The following POLR3B variants were observed in gnomAD, a reference collection of about 807,000 sequenced individuals.
The protein encoded by POLR3B is RNA polymerase III subunit B, also known as DNA-directed RNA polymerase III subunit RPC2.
Under a neutral mutation model 147.4 loss-of-function variants are expected in POLR3B, and 96 were observed. The observed-to-expected ratio is 0.65, with a 90% CI of 0.55 to 0.77. The LOEUF is 0.77. Among genes scored for constraint, POLR3B ranks in the 30% least tolerant of loss-of-function variants. POLR3B has a pLI of 0.00. For missense variants in POLR3B, 1,036 were observed against 1,413.5 expected, an observed-to-expected ratio of 0.73 and a Z score of 4.28; for synonymous variants, 461 against 485.9, an observed-to-expected ratio of 0.95 and a Z score of 0.67.
intron 25 of POLR3B, 76 bp downstream of exon 25, chr12:106,496,994 A>C (rs1336821497): frequency 1.4e-6 from 2 of 1,433,428 alleles, no homozygotes; most frequent in South Asian, 1.2e-5. Context: ...CTTAAGGTAT[A>C]CTCTATTAAG....
intron 2 of POLR3B, among the ~76,000 whole-genome samples, chr12:106,364,261 G>T (rs1219736217): frequency 6.6e-6 from 1 of 152,210 alleles, no homozygotes; most frequent in Non-Finnish European, 1.5e-5. Flanking sequence ...AGAGAGCGTG[G>T]CTCAATCAAG....
intron 17 of POLR3B, among the ~76,000 whole-genome samples, chr12:106,437,469 G>A (rs1425125570): frequency 6.6e-6 from 1 of 152,134 alleles, no homozygotes; most frequent in East Asian, 1.9e-4. Context: ...GTTCACAAGA[G>A]TTACAGACAG....
chr12:106,509,825 TAC>T lies in POLR3B; in HGVS notation c.*277_*278del. The T allele has an allele frequency of 2.6e-6, 1 of 377,930 alleles. No individual in the cohort carries two copies. The highest frequency in any genetic ancestry group is 5.1e-6 in the Non-Finnish European group (1 of 196,616). 23.4% of individuals were successfully genotyped at this position (377,930 alleles called of 1,614,324 possible). On this transcript the variant is annotated 3_prime_UTR_variant, in exon 28 of 28. Transcript: ENST00000228347. ...GTGACCTAAAGGATAAATAAGCTAT[TAC>T]TTATGTGCTGATCTCTTGACATTCA...
chr12:106,490,371 T>G (rs892133515), intron 23 of POLR3B, among the ~76,000 whole-genome samples: 5 of 152,228 alleles, frequency 3.3e-5, no homozygotes, highest in African/African-American at 1.2e-4. Flanking sequence ...CTATGCAAAT[T>G]TATCACATCA....
intron 7 of POLR3B, among the ~76,000 whole-genome samples, 184 bp from the exon 8 acceptor site, chr12:106,378,083 T>G (rs1421312180): frequency 2.0e-5 from 3 of 152,006 alleles, no homozygotes; most frequent in Admixed American, 6.6e-5. Context: ...GGGAGATCCT[T>G]TCTCAAAAAA....
chr12:106,376,254 G>C, intron 6 of POLR3B, 105 bp from the exon 7 acceptor site: 1 of 774,296 alleles, frequency 1.3e-6, no homozygotes, highest in South Asian at 1.4e-5. Flanking sequence ...ATGGTGCATA[G>C]ATAGACCCTT....
rs750780270 is a variant in POLR3B, at chr12:106,430,489, A to G, written c.1464+16A>G. The G allele has an allele frequency of 1.2e-6, 2 of 1,601,632 alleles. No individual in the cohort carries two copies. Among genetic ancestry groups the G allele is most frequent in the South Asian group, 2.2e-5 (2 of 90,764 alleles). ...TGAAGGAGAGGTAAGGAATCTGAGG[A>G]GTCTTGATGCTGTGTAAGAGGCGAT... On this transcript the variant is annotated intron_variant, in intron 14 of 27. Transcript: ENST00000228347.
chr12:106,440,591 A>ACT, intron 18 of POLR3B, among the ~76,000 whole-genome samples: 3 of 151,574 alleles, frequency 2.0e-5, no homozygotes, highest in Middle Eastern at 6.8e-3. Context: ...TGCCTGGAGC[A>ACT]CTCTCTCACA....
chr12:106,466,137 T>A (rs2038002875), intron 23 of POLR3B, among the ~76,000 whole-genome samples: 1 of 152,344 alleles, frequency 6.6e-6, no homozygotes, highest in African/African-American at 2.4e-5. Context: ...TTTTTAATGA[T>A]CGCCATTCTA....
intron 23 of POLR3B, among the ~76,000 whole-genome samples, chr12:106,491,113 T>C (rs1565913806): frequency 6.6e-6 from 1 of 152,206 alleles, no homozygotes; most frequent in Non-Finnish European, 1.5e-5. Flanking sequence ...GTTTCTTATA[T>C]AATAATAATT....
chr12:106,459,392 A>C, intron 22 of POLR3B, 24 bp downstream of exon 22: 1 of 1,172,742 alleles, frequency 8.5e-7, no homozygotes, highest in African/African-American at 1.5e-5. Context: ...GTGCCCTGGT[A>C]ATATGTAGAA....
At chr12:106,464,442 T>C (rs2037980104) in intron 23 of POLR3B, among the ~76,000 whole-genome samples, 1 of 152,130 alleles carries the variant, frequency 6.6e-6, no homozygotes, top group Admixed American at 6.6e-5. Context: ...ATTTTATAGA[T>C]AAGGAAACAG....
At chr12:106,452,602 A>G (rs2137025839) in intron 19 of POLR3B, among the ~76,000 whole-genome samples, 1 of 152,274 alleles carries the variant, frequency 6.6e-6, no homozygotes, top group East Asian at 1.9e-4. Context: ...TCTCAACATA[A>G]ATTTTAAGTG....
intron 8 of POLR3B, among the ~76,000 whole-genome samples, chr12:106,379,248 A>G (rs575895588): frequency 2.0e-5 from 3 of 152,364 alleles, no homozygotes; most frequent in African/African-American, 7.2e-5. Context: ...AGATACGGTT[A>G]ATTTTACAAT....
At chr12:106,419,197 G>C (rs1296160039) in intron 12 of POLR3B, among the ~76,000 whole-genome samples, 2 of 152,120 alleles carry the variant, frequency 1.3e-5, no homozygotes, top group Non-Finnish European at 2.9e-5. Context: ...TTCTTTCCAA[G>C]AGTGAAACTG....
chr12:106,444,691 A>T, intron 19 of POLR3B, 101 bp downstream of exon 19: 1 of 1,281,002 alleles, frequency 7.8e-7, no homozygotes, highest in South Asian at 1.3e-5. Flanking sequence ...TATGTTCCCA[A>T]CCAGGCACTG....
At chr12:106,474,667 T>C (rs1250439809) in intron 23 of POLR3B, among the ~76,000 whole-genome samples, 4 of 140,136 alleles carry the variant, frequency 2.9e-5, no homozygotes, top group Admixed American at 7.2e-5. Flanking sequence ...GTGTTTGTAG[T>C]ATTCTCTGAT....
intron 23 of POLR3B, among the ~76,000 whole-genome samples, chr12:106,476,660 A>G (rs369384413): frequency 6.8e-6 from 1 of 147,720 alleles, no homozygotes; most frequent in Non-Finnish European, 1.5e-5. Flanking sequence ...TGATCGCATC[A>G]GCTCCTGAGG....
intron 10 of POLR3B, among the ~76,000 whole-genome samples, chr12:106,397,012 T>C (rs1373725492): frequency 6.6e-6 from 1 of 151,796 alleles, no homozygotes; most frequent in Non-Finnish European, 1.5e-5. Context: ...GTTCTGCTAC[T>C]TGGGAGGCTG....
Sources: gnomAD v4.1 joint callset for allele counts (sites outside exome capture counted in the v4.1 genomes callset) on GRCh38, gnomAD v4.1.1 for gene constraint, MANE v1.5 for transcripts, NCBI Gene and HGNC (gene_info 2026-07-23, HGNC 2026-07-21) for gene names.